WWOX: variants seen among roughly 807,000 people sequenced by gnomAD.
WWOX encodes WW domain containing oxidoreductase.
A neutral mutation model predicts 46.2 loss-of-function variants in WWOX; 69 were observed. That is an observed-to-expected ratio of 1.49 (90% CI 1.23 to 1.82). The LOEUF (loss-of-function observed/expected upper bound fraction) is 1.82, where lower values mean the gene tolerates loss of function less well. Ranked by LOEUF, WWOX falls within the 40% of genes most tolerant of loss-of-function variation. The probability of loss-of-function intolerance (pLI) is 0.00; values close to 1 mark genes in which losing one functional copy is unlikely to be tolerated. For synonymous variants in WWOX, 359 were observed against 202.6 expected (o/e 1.77, Z -6.56); for missense variants, 919 against 542.6 (o/e 1.69, Z -6.89).
At chr16:78,584,371 C>A (rs1597306008) in intron 8 of WWOX, among the ~76,000 whole-genome samples, 1 of 152,152 alleles carries the variant, frequency 6.6e-6, no homozygotes, top group Non-Finnish European at 1.5e-5. Flanking sequence ...ATCCATAACC[C>A]CAAGATGTGA....
At chr16:78,392,260 C>G in intron 6 of WWOX, among the ~76,000 whole-genome samples, 1 of 152,124 alleles carries the variant, frequency 6.6e-6, no homozygotes, top group Admixed American at 6.5e-5. Flanking sequence ...CTCATAGGAC[C>G]GTGATCCCTA....
intron 8 of WWOX, among the ~76,000 whole-genome samples, chr16:78,689,842 G>A (rs1304493138): frequency 2.6e-5 from 4 of 152,010 alleles, no homozygotes. Context: ...AAATGTCAAG[G>A]TAACTTTGTT....
intron 4 of WWOX, among the ~76,000 whole-genome samples, chr16:78,162,249 T>A (rs2034817797): frequency 6.6e-6 from 1 of 152,186 alleles, no homozygotes; most frequent in Non-Finnish European, 1.5e-5. Flanking sequence ...AAAGTTTTAT[T>A]TTTTTTCAGC....
At chr16:79,109,412 A>G (rs2049373830) in intron 8 of WWOX, among the ~76,000 whole-genome samples, 1 of 152,174 alleles carries the variant, frequency 6.6e-6, no homozygotes, top group Non-Finnish European at 1.5e-5. Flanking sequence ...AGTAGCGGTG[A>G]TAGGTTTTAT....
intron 8 of WWOX, among the ~76,000 whole-genome samples, chr16:78,590,503 G>A (rs1278426760): frequency 1.3e-5 from 2 of 152,222 alleles, no homozygotes; most frequent in African/African-American, 4.8e-5. Flanking sequence ...AAGAGGGAAA[G>A]GTTTTTAGGG....
At chr16:78,358,813 T>C (rs8060676) in intron 5 of WWOX, among the ~76,000 whole-genome samples, 110,959 of 150,342 alleles carry the variant, frequency 0.74, 42,415 homozygotes, top group African/African-American at 0.84. Flanking sequence ...TGTAGCTCTT[T>C]CTGACTTTTT....
chr16:78,405,736 G>C (rs890608854), intron 6 of WWOX, among the ~76,000 whole-genome samples: 2 of 152,158 alleles, frequency 1.3e-5, no homozygotes, highest in African/African-American at 4.8e-5. Flanking sequence ...GCTGATGCTG[G>C]GCTTTTTATA....
intron 8 of WWOX, chr16:78,891,123 CTG>C (rs2044580986): frequency 6.6e-6 from 1 of 152,162 alleles, no homozygotes. Context: ...TTTCTCAAAA[CTG>C]AAATTGTTTA....
In WWOX at chr16:78,164,219, C is replaced by T. The variant is rs1024835941; in HGVS notation, c.446C>T (p.Ala149Val). The T allele has an allele frequency of 6.2e-7, 1 of 1,614,108 alleles. No individual in the cohort carries two copies. Among genetic ancestry groups the T allele is most frequent in the East Asian group, 2.2e-5 (1 of 44,876 alleles). Residue 149 changes from alanine to valine, a missense_variant, in exon 5 of 9, where the codon GCA becomes GTA. Physicochemically the swap from Ala to Val is moderately conservative, Grantham distance 64. Coordinates refer to ENST00000566780, the MANE Select transcript of WWOX (RefSeq NM_016373.4). ...GCCAAGTCTTTTGCCCTCCATGGTG[C>T]ACATGTGATCTTGGCCTGCAGGAAC... Reference protein sequence around the residue: ...ETAKSFALHGAHVILACRNMA... With the variant: ...ETAKSFALHGVHVILACRNMA...
At chr16:78,559,054 A>G (rs2044371700) in intron 8 of WWOX, among the ~76,000 whole-genome samples, 1 of 152,218 alleles carries the variant, frequency 6.6e-6, no homozygotes, top group Non-Finnish European at 1.5e-5. Context: ...GCTACGTGGA[A>G]GGACACATAG....
intron 8 of WWOX, among the ~76,000 whole-genome samples, chr16:78,759,692 A>G (rs1018998445): frequency 9.2e-5 from 14 of 152,216 alleles, no homozygotes; most frequent in African/African-American, 4.8e-5. Flanking sequence ...ATGAGACTGT[A>G]TGCTCCCTGT....
chr16:79,004,597 G>A (rs2151368667), intron 8 of WWOX: 1 of 152,370 alleles, frequency 6.6e-6, no homozygotes, highest in East Asian at 1.9e-4. Context: ...GCAGGTTCCT[G>A]TTCAACCCTC....
At chr16:79,180,448 G>A (rs1464017580) in intron 8 of WWOX, among the ~76,000 whole-genome samples, 1 of 152,182 alleles carries the variant, frequency 6.6e-6, no homozygotes. Flanking sequence ...TGGACATAAA[G>A]CCTGGGGTGG....
chr16:79,095,455 A>T (rs1203604548), intron 8 of WWOX, among the ~76,000 whole-genome samples: 2 of 152,208 alleles, frequency 1.3e-5, no homozygotes, highest in African/African-American at 4.8e-5. Context: ...CAGGCAGCAG[A>T]AGAGGTGGGG....
At chr16:79,196,997 A>T (rs1185854062) in intron 8 of WWOX, among the ~76,000 whole-genome samples, 1 of 152,148 alleles carries the variant, frequency 6.6e-6, no homozygotes, top group Non-Finnish European at 1.5e-5. Flanking sequence ...CTGCAGTATT[A>T]ACTGAGGCAA....
intron 8 of WWOX, among the ~76,000 whole-genome samples, chr16:79,070,902 A>G (rs2048537695): frequency 6.6e-6 from 1 of 152,178 alleles, no homozygotes; most frequent in African/African-American, 2.4e-5. Context: ...TTGAAGTAGC[A>G]TCGTCACTCA....
chr16:78,275,918 G>A (rs1028895413), intron 5 of WWOX, among the ~76,000 whole-genome samples: 5 of 151,996 alleles, frequency 3.3e-5, no homozygotes, highest in Admixed American at 6.5e-5. Flanking sequence ...ACTGGGAGGG[G>A]AGGCTGGACT....
At chr16:78,906,722 C>G (rs1484440758) in intron 8 of WWOX, among the ~76,000 whole-genome samples, 1 of 152,100 alleles carries the variant, frequency 6.6e-6, no homozygotes, top group African/African-American at 2.4e-5. Flanking sequence ...ATGGATGTGC[C>G]CAGTTTAAGC....
intron 8 of WWOX, among the ~76,000 whole-genome samples, chr16:78,983,657 A>G (rs1164788623): frequency 6.6e-6 from 1 of 152,092 alleles, no homozygotes; most frequent in Non-Finnish European, 1.5e-5. Flanking sequence ...AGCCAATGGA[A>G]TCGGCTGCAG....
Sources: gnomAD v4.1 joint callset for allele counts (sites outside exome capture counted in the v4.1 genomes callset) on GRCh38, gnomAD v4.1.1 for gene constraint, MANE v1.5 for transcripts, NCBI Gene and HGNC (gene_info 2026-07-23, HGNC 2026-07-21) for gene names.